The following RBM12 variants were observed in gnomAD, a reference collection of about 807,000 sequenced individuals.
RBM12 encodes the protein RNA-binding protein 12.
Under a neutral mutation model 37.2 loss-of-function variants are expected in RBM12, and 24 were observed. The ratio of observed to expected loss-of-function variants is 0.65; its 90% confidence interval spans 0.47 to 0.91. RBM12 has a LOEUF of 0.91. Among genes scored for constraint, RBM12 ranks in the 40% least tolerant of loss-of-function variants. The probability of loss-of-function intolerance (pLI) is 0.00; values close to 1 mark genes in which losing one functional copy is unlikely to be tolerated. For synonymous variants in RBM12, 420 were observed against 425.2 expected (o/e 0.99, Z 0.15); for missense variants, 1,061 against 1,183.2 (o/e 0.90, Z 1.52).
At position 35,652,384 on chromosome 20, in the gene RBM12, C is replaced by CCATT; in HGVS notation, c.*139_*140insAATG. 1 of 949,232 alleles carries CCATT rather than the reference C, an allele frequency of 1.1e-6. No homozygotes were observed. Among genetic ancestry groups the CCATT allele is most frequent in the Non-Finnish European group, 1.6e-6 (1 of 640,356 alleles). The allele number at this position is 949,232 out of a possible 1,614,324, so 58.8% of individuals were successfully genotyped here. The stretch of plus-strand genomic sequence containing the variant: ...AGTGAGTCTTCTGTAAACAGTCAAC[C>CCATT]AATGCTCTATGTTATGGAAACCAAG... On this transcript the variant is annotated 3_prime_UTR_variant, in exon 3 of 3. Transcript: ENST00000374114.
At chr20:35,660,646 ATGAAGTAC>A (rs1196112155) in intron 1 of RBM12, among the ~76,000 whole-genome samples, 1 of 152,256 alleles carries the variant, frequency 6.6e-6, no homozygotes, top group African/African-American at 2.4e-5. Flanking sequence ...GAGCAAGAGC[ATGAAGTAC>A]TGTAATATTT....
intron 1 of RBM12, among the ~76,000 whole-genome samples, chr20:35,660,896 C>T (rs2146378431): frequency 6.6e-6 from 1 of 152,284 alleles, no homozygotes; most frequent in East Asian, 1.9e-4. Flanking sequence ...GCCAGTTAAG[C>T]TCAAAGGGAA....
At chr20:35,659,177 C>T (rs577987178) in intron 1 of RBM12, among the ~76,000 whole-genome samples, 163 bp from the exon 2 acceptor site, 1 of 151,798 alleles carries the variant, frequency 6.6e-6, no homozygotes, top group African/African-American at 2.4e-5. Context: ...TAACAAAATC[C>T]CACACATGCT....
intron 1 of RBM12, among the ~76,000 whole-genome samples, chr20:35,661,626 C>T (rs2146381287): frequency 6.6e-6 from 1 of 152,274 alleles, no homozygotes; most frequent in South Asian, 2.1e-4. Flanking sequence ...ATACCGGATG[C>T]ATGCACAAAT....
chr20:35,652,724 C>T lies in RBM12; in HGVS notation c.2599G>A (p.Val867Met), dbSNP rs1465580202. ...AAATCTAAAATCTCATCAATAGACA[C>T]AGTAAAGGGCATGTTTTGCACTTTA... is the stretch of plus-strand genomic sequence containing the variant. ...VIKVQNMPFT[V>M]SIDEILDFFY... The change falls in exon 3 of 3, where the codon GTG (valine) becomes ATG (methionine). Residue 867 changes from valine (V) to methionine (M), a missense_variant. Around this residue, in one of 3 missense-constraint regions of RBM12, gnomAD observed 517 missense variants for 534.0 expected, o/e 0.97. Transcript: ENST00000374114. The T allele has an allele frequency of 6.2e-7, 1 of 1,613,966 alleles. No homozygotes were observed.
intron 2 of RBM12, among the ~76,000 whole-genome samples, chr20:35,656,131 A>C (rs1445579398): frequency 6.6e-6 from 1 of 152,214 alleles, no homozygotes; most frequent in African/African-American, 2.4e-5. Context: ...TGACTATTTT[A>C]ATTAAAACTC....
At chr20:35,656,517 T>C (rs1318036185) in intron 2 of RBM12, among the ~76,000 whole-genome samples, 1 of 152,204 alleles carries the variant, frequency 6.6e-6, no homozygotes, top group African/African-American at 2.4e-5. Context: ...TTCCAACCCA[T>C]CTGAAAAGTC....
rs887626672 is a variant in RBM12 at position 35,651,470 on chromosome 20, T to A, written c.*1054A>T. The stretch of plus-strand genomic sequence containing the variant: ...ACACGTATCAATCTACGAACCAGCA[T>A]ACGGATCTTTTATTCTATACTACTA... On this transcript the variant is annotated 3_prime_UTR_variant, in exon 3 of 3. Transcript: ENST00000374114. 6.6e-6 allele frequency: 1 copy of A among 152,184 alleles called. No individual in the cohort carries two copies. Among genetic ancestry groups the A allele is most frequent in the Non-Finnish European group, 1.5e-5 (1 of 68,028 alleles). 9.4% of individuals were successfully genotyped at this position (152,184 alleles called of 1,614,324 possible). A position where few individuals can be genotyped will look rare whatever the true frequency, so the allele number is the denominator to read the frequency against.
Position 35,652,406 on chromosome 20 carries a change from C to T in RBM12, c.*118G>A. ...AACCAATGCTCTATGTTATGGAAAC[C>T]AAGCTATATGCAATTGAAACAATCC... On this transcript the variant is annotated 3_prime_UTR_variant, in exon 3 of 3. Coordinates refer to ENST00000374114, the MANE Select transcript of RBM12 (RefSeq NM_006047.6). 1 of 1,230,142 alleles carries T rather than the reference C, an allele frequency of 8.1e-7. No homozygotes were observed. Among genetic ancestry groups the T allele is most frequent in the Admixed American group, 2.3e-5 (1 of 43,174 alleles). 76.2% of individuals were successfully genotyped at this position (1,230,142 alleles called of 1,614,324 possible). A position where few individuals can be genotyped will look rare whatever the true frequency, so the allele number is the denominator to read the frequency against.
intron 2 of RBM12, among the ~76,000 whole-genome samples, chr20:35,658,082 A>T (rs187537075): frequency 0.012 from 1,528 of 130,580 alleles, 7 homozygotes; most frequent in Non-Finnish European, 0.017. Flanking sequence ...ATAAAAATTT[A>T]AAAAAAAATT....
Position 35,653,662 on chromosome 20 carries a change from C to A in RBM12, c.1661G>T (p.Ser554Ile), listed in dbSNP as rs542564329. 6.2e-7 allele frequency: 1 copy of A among 1,614,160 alleles called. No individual in the cohort carries two copies. Among genetic ancestry groups the A allele is most frequent in the African/African-American group, 1.3e-5 (1 of 75,034 alleles). The change falls in exon 3 of 3, where the codon AGC becomes ATC. Residue 554 changes from serine (S) to isoleucine (I), a missense_variant. Transcript: ENST00000374114. Reference protein sequence around the residue: ...VCAHITNIPFSITKMDVLQFL... With the variant: ...VCAHITNIPFIITKMDVLQFL... The stretch of plus-strand genomic sequence containing the variant: ...CTGAAGAACATCCATCTTTGTAATG[C>A]TGAATGGAATATTTGTTATGTGGGC...
chr20:35,659,780 G>A (rs6058290), intron 1 of RBM12, among the ~76,000 whole-genome samples: 38,414 of 152,002 alleles, frequency 0.25, 5,609 homozygotes, highest in African/African-American at 0.41. Context: ...AAACTGGTGA[G>A]GTTATTAACA....
Position 35,652,528 on chromosome 20 carries a change from C to T in RBM12, c.2795G>A (p.Gly932Glu). The change falls in exon 3 of 3, where the codon GGG (glycine) becomes GAG (glutamate). Residue 932 changes from glycine to glutamate, a missense_variant. Around this residue, in one of 3 missense-constraint regions of RBM12, gnomAD observed 517 missense variants for 534.0 expected, o/e 0.97. Transcript: ENST00000374114. ...TATAAAAAATGATGTGAATGGCTAC[C>T]CTAATACAAGTTTTACTTTTCTTGA... Reference protein sequence around the residue: ...IGSRKVKLVLG With the variant: ...IGSRKVKLVLE 1.2e-6 allele frequency: 2 copies of T among 1,609,558 alleles called. No individual in the cohort carries two copies. Among genetic ancestry groups the T allele is most frequent in the South Asian group, 2.2e-5 (2 of 90,408 alleles).
At chr20:35,659,433 C>A (rs2034108408) in intron 1 of RBM12, among the ~76,000 whole-genome samples, 1 of 152,152 alleles carries the variant, frequency 6.6e-6, no homozygotes, top group East Asian at 1.9e-4. Context: ...AATAACAATT[C>A]TTGGACAACT....
intron 1 of RBM12, among the ~76,000 whole-genome samples, chr20:35,659,700 A>G (rs972010626): frequency 6.6e-6 from 1 of 152,188 alleles, no homozygotes; most frequent in Non-Finnish European, 1.5e-5. Context: ...ACACCCTAAA[A>G]ATGCCTGACA....
chr20:35,654,375 C>G lies in RBM12; in HGVS notation c.948G>C (p.Met316Ile). 6.2e-7 allele frequency: 1 copy of G among 1,614,212 alleles called. No homozygotes were observed. The highest frequency in any genetic ancestry group is 8.5e-7 in the Non-Finnish European group (1 of 1,180,038). ...GAAAAAAATCTCTGACATCATTTTC[C>G]ATTGCAGAAAAGGGCATTCCATGCA... ...VSVHGMPFSA[M>I]ENDVRDFFHG... Residue 316 changes from methionine to isoleucine, a missense_variant, in exon 3 of 3, where the codon ATG (methionine) becomes ATC (isoleucine). Physicochemically the swap from Met to Ile is conservative, Grantham distance 10. Transcript: ENST00000374114.
In RBM12 at chr20:35,654,454, G is replaced by C; in HGVS notation, c.869C>G (p.Ser290Cys). 1 of 1,614,190 alleles carries C rather than the reference G, an allele frequency of 6.2e-7. No individual in the cohort carries two copies. ...GGGGAGTGGCTTCACACTGCTCTGA[G>C]AGTTCATCTGGATAGGGTTAACAGG... ...LNPVNPIQMN[S>C]QSSVKPLPIN... Residue 290 changes from serine (S) to cysteine (C), a missense_variant, in exon 3 of 3, where the codon TCT (serine) becomes TGT (cysteine). Around this residue, in one of 3 missense-constraint regions of RBM12, gnomAD observed 540 missense variants for 632.7 expected, o/e 0.85. Transcript: ENST00000374114.
intron 2 of RBM12, among the ~76,000 whole-genome samples, chr20:35,655,902 T>C (rs1018737512): frequency 1.3e-5 from 2 of 152,188 alleles, no homozygotes; most frequent in African/African-American, 4.8e-5. Context: ...TAAAAGTAGA[T>C]TCAAGTCTTA....
chr20:35,654,529 G>A lies in RBM12; in HGVS notation c.794C>T (p.Pro265Leu), dbSNP rs1235618557. ...LPAGMNGSGAPMNLNNNLNPM... is the reference protein window; with the variant it reads ...LPAGMNGSGALMNLNNNLNPM... ...ATTCAGATTATTGTTCAAATTCATA[G>A]GTGCTCCAGAGCCATTCATTCCAGC... is the stretch of plus-strand genomic sequence containing the variant. Residue 265 changes from proline to leucine, a missense_variant, in exon 3 of 3, where the codon CCT (proline) becomes CTT (leucine). By Grantham distance (98) the Pro-to-Leu change is moderately conservative. This residue lies in a region of RBM12 where 540 missense variants were observed against 632.7 expected (regional missense o/e 0.85). Coordinates refer to ENST00000374114, the MANE Select transcript of RBM12 (RefSeq NM_006047.6). 1 of 1,614,172 alleles carries A rather than the reference G, an allele frequency of 6.2e-7. No individual in the cohort carries two copies. Among genetic ancestry groups the A allele is most frequent in the Non-Finnish European group, 8.5e-7 (1 of 1,180,034 alleles).
Sources: gnomAD v4.1 joint callset for allele counts (sites outside exome capture counted in the v4.1 genomes callset) on GRCh38, gnomAD v4.1.1 for gene constraint, gnomAD v4.1.1 regional missense constraint, MANE v1.5 for transcripts, NCBI Gene and HGNC (gene_info 2026-07-23, HGNC 2026-07-21) for gene names.